RADIL: variants seen among roughly 807,000 people sequenced by gnomAD.
RADIL encodes Rap associating with DIL domain, also known as ras-associating and dilute domain-containing protein.
Under a neutral mutation model 97.6 loss-of-function variants are expected in RADIL, and 99 were observed. The observed-to-expected ratio is 1.01, with a 90% CI of 0.86 to 1.20. The LOEUF (loss-of-function observed/expected upper bound fraction) is 1.20, where lower values mean the gene tolerates loss of function less well. Ranked by LOEUF, RADIL falls within the 50% of genes most tolerant of loss-of-function variation. The pLI is 0.00. For missense variants in RADIL, 1,765 were observed against 1,498.9 expected (o/e 1.18, Z -2.93); for synonymous variants, 803 against 691.8 (o/e 1.16, Z -2.52).
In RADIL at chr7:4,817,232, C is replaced by A. The variant is rs750692903; in HGVS notation, c.1728+7G>T. ...CCTGAGTGCAGAAGCAGAGCCCGTC[C>A]GTGCACCTTGGAGACATAGTAGACG... On this transcript the variant is annotated splice_region_variant and intron_variant, in intron 7 of 14. Transcript: ENST00000399583. This position sits in a 1 kb window ranked among gnomAD's most constrained non-coding sequence, Gnocchi z 8.3. 5.0e-6 allele frequency: 8 copies of A among 1,606,980 alleles called. No homozygotes were observed. The highest frequency in any genetic ancestry group is 6.8e-6 in the Non-Finnish European group (8 of 1,175,942).
intron 9 of RADIL, among the ~76,000 whole-genome samples, chr7:4,806,637 C>T (rs1052540943): frequency 2.0e-5 from 3 of 152,234 alleles, no homozygotes; most frequent in African/African-American, 7.2e-5. Context: ...TTCTTATTTT[C>T]TGCAATTCAT....
In RADIL at chr7:4,877,869, C is replaced by A; in HGVS notation, c.271G>T (p.Glu91Ter). The A allele has an allele frequency of 6.2e-7, 1 of 1,605,778 alleles. No homozygotes were observed. The highest frequency in any genetic ancestry group is 8.5e-7 in the Non-Finnish European group (1 of 1,179,966). Residue 91 changes from glutamate (E) to a stop codon, truncating the protein, a stop_gained, in exon 2 of 15, where the codon GAG becomes TAG. Transcript: ENST00000399583. LOFTEE classifies it high-confidence loss of function. Reference protein sequence around the residue: ...VLATGTSSARELVKEALERYA... With the variant: ...VLATGTSSAR ...CGCTCCAGCGCCTCCTTCACCAGCT[C>A]ACGGGCGCTGGAGGTGCCGGTGGCC...
At position 4,835,354 on chromosome 7, in the gene RADIL, C is replaced by T. The variant is rs567007488; in HGVS notation, c.784-115G>A. On this transcript the variant is annotated intron_variant, in intron 3 of 14. Coordinates refer to ENST00000399583, the MANE Select transcript of RADIL (RefSeq NM_018059.5). This position sits in a 1 kb window ranked among gnomAD's most constrained non-coding sequence, Gnocchi z 5.8. The stretch of plus-strand genomic sequence containing the variant: ...GTGGCTGGGATGCTGTCGCCACGGG[C>T]TCTCCATGTCCCTGGCCACCCCCAC... 167 of 1,346,416 alleles carry T rather than the reference C, an allele frequency of 1.2e-4. 2 individuals are homozygous for T. The Admixed American group carries it at 3.3e-3, about 27-fold the overall frequency. The allele number at this position is 1,346,416 out of a possible 1,614,324, so 83.4% of individuals were successfully genotyped here.
At position 4,854,780 on chromosome 7, in the gene RADIL, C is replaced by G. The variant is rs890057347; in HGVS notation, c.536-18175G>C. Among the ~76,000 whole-genome samples the G allele has an allele frequency of 2.6e-5, 4 of 152,128 alleles. No homozygotes were observed. The highest frequency in any genetic ancestry group is 9.7e-5 in the African/African-American group (4 of 41,412). On this transcript the variant is annotated intron_variant, in intron 2 of 14. Transcript: ENST00000399583. The surrounding 1 kb of genome is among the most constrained non-coding windows in gnomAD (Gnocchi z 5.1). ...TTCACACATATGAAAGCATTTGTAA[C>G]TTAGACTAATAACAAAATAAACACC...
intron 2 of RADIL, among the ~76,000 whole-genome samples, chr7:4,843,316 A>T (rs1325294686): frequency 7.2e-5 from 11 of 151,934 alleles, no homozygotes; most frequent in Admixed American, 7.2e-4. Context: ...CCCGGCCAAG[A>T]GATGATTTTA....
intron 5 of RADIL, among the ~76,000 whole-genome samples, chr7:4,823,267 C>G (rs1782883690): frequency 6.6e-6 from 1 of 151,880 alleles, no homozygotes; most frequent in South Asian, 2.1e-4. Flanking sequence ...ACCAGCCTGG[C>G]CAACATGGCA....
chr7:4,800,316 T>C lies in RADIL; in HGVS notation c.2843-6A>G, dbSNP rs772899955. The C allele has an allele frequency of 1.4e-6, 2 of 1,442,922 alleles. No individual in the cohort carries two copies. Among genetic ancestry groups the C allele is most frequent in the South Asian group, 3.0e-5 (2 of 67,528 alleles). 89.4% of individuals were successfully genotyped at this position (1,442,922 alleles called of 1,614,324 possible). On this transcript the variant is annotated splice_region_variant and splice_polypyrimidine_tract_variant and intron_variant, in intron 12 of 14. Coordinates refer to ENST00000399583, the MANE Select transcript of RADIL (RefSeq NM_018059.5). ...CGCAAGGGCTGCAGAGTCTCCTGGG[T>C]GGGGGCCAGGAAAGGTGGGTGGGAG... is the stretch of plus-strand genomic sequence containing the variant.
chr7:4,822,404 C>T lies in RADIL; in HGVS notation c.1605G>A (p.Leu535=). 6.2e-7 allele frequency: 1 copy of T among 1,611,228 alleles called. No homozygotes were observed. ...PLYMQSMEEQ[L]DITGSKESLF... ...CAGCGCCAGCCGTACCTGTGATGTC[C>T]AGCTGCTCCTCCATGCTCTGCATGT... is the stretch of plus-strand genomic sequence containing the variant. The change falls in exon 6 of 15, where the codon CTG becomes CTA. Residue 535 remains leucine, a synonymous_variant. Coordinates refer to ENST00000399583, the MANE Select transcript of RADIL (RefSeq NM_018059.5). This position sits in a 1 kb window ranked among gnomAD's most constrained non-coding sequence, Gnocchi z 5.3.
At position 4,815,766 on chromosome 7, in the gene RADIL, G is replaced by T. The variant is rs917156321; in HGVS notation, c.1967-316C>A. ...GTGCCGGGGGCCTGCCCCCACCTGG[G>T]TCTCCCCACGCCCCACAGTGGCCCT... On this transcript the variant is annotated intron_variant, in intron 8 of 14. Transcript: ENST00000399583. The surrounding 1 kb of genome is among the most constrained non-coding windows in gnomAD (Gnocchi z 8.0). Among the ~76,000 whole-genome samples the T allele has an allele frequency of 2.0e-5, 3 of 152,140 alleles. No homozygotes were observed. The highest frequency in any genetic ancestry group is 7.2e-5 in the African/African-American group (3 of 41,452).
In RADIL at chr7:4,805,635, C is replaced by A; in HGVS notation, c.2221G>T (p.Ala741Ser). 1 of 1,611,768 alleles carries A rather than the reference C, an allele frequency of 6.2e-7. No individual in the cohort carries two copies. Among genetic ancestry groups the A allele is most frequent in the Admixed American group, 1.7e-5 (1 of 60,016 alleles). The part of the protein sequence containing the change: ...LHRLLTHYQL[A>S]SAMGPMSTWE... The stretch of plus-strand genomic sequence containing the variant: ...GTGCTCATGGGGCCCATGGCCGAGG[C>A]CAGCTGGTAGTGAGTCAGCAGCCGG... Residue 741 changes from alanine (A) to serine (S), a missense_variant, in exon 10 of 15, where the codon GCC becomes TCC. Ala to Ser is a moderately conservative substitution (Grantham distance 99, BLOSUM62 1). Transcript: ENST00000399583.
rs10258762 is a variant in RADIL, at chr7:4,810,490, C to T, written c.2140-4774G>A. Among the ~76,000 whole-genome samples the T allele has an allele frequency of 9.6e-3, 1,458 of 152,294 alleles. 26 individuals carry two copies. The highest frequency in any genetic ancestry group is 0.034 in the African/African-American group (1,396 of 41,552). Reference sequence around the variant, plus strand: ...TCCCAGGAACGAGTTTGCTCAGTCACGTTGCTCTGCCGTATTTCACTGTAC... The same window carrying T: ...TCCCAGGAACGAGTTTGCTCAGTCATGTTGCTCTGCCGTATTTCACTGTAC... On this transcript the variant is annotated intron_variant, in intron 9 of 14. Coordinates refer to ENST00000399583, the MANE Select transcript of RADIL (RefSeq NM_018059.5).
intron 5 of RADIL, among the ~76,000 whole-genome samples, chr7:4,830,723 C>T (rs1259868479): frequency 6.6e-6 from 1 of 151,890 alleles, no homozygotes; most frequent in Non-Finnish European, 1.5e-5. Flanking sequence ...ACTAAAAATA[C>T]AAAATTAGCG....
At chr7:4,807,126 G>T (rs759395032) in intron 9 of RADIL, among the ~76,000 whole-genome samples, 2 of 152,046 alleles carry the variant, frequency 1.3e-5, no homozygotes, top group Non-Finnish European at 2.9e-5. Context: ...GGTCCCCTCT[G>T]TTCTCACCTT....
Position 4,817,512 on chromosome 7 carries a change from G to A in RADIL, c.1616-161C>T, listed in dbSNP as rs1256143246. Among the ~76,000 whole-genome samples the A allele has an allele frequency of 6.6e-6, 1 of 152,152 alleles. No individual in the cohort carries two copies. The highest frequency in any genetic ancestry group is 2.4e-5 in the African/African-American group (1 of 41,434). ...GGCCGAGGGACTCTGGGCCCTGGCT[G>A]GGACGAGCGCAGCAAACCTGCCGCC... On this transcript the variant is annotated intron_variant, in intron 6 of 14. Coordinates refer to ENST00000399583, the MANE Select transcript of RADIL (RefSeq NM_018059.5). The surrounding 1 kb of genome is among the most constrained non-coding windows in gnomAD (Gnocchi z 8.3).
In RADIL at chr7:4,860,084, G is replaced by A; in HGVS notation, c.535+17521C>T. 6 of 1,613,992 alleles carry A rather than the reference G, an allele frequency of 3.7e-6. No individual in the cohort carries two copies. The highest frequency in any genetic ancestry group is 5.1e-6 in the Non-Finnish European group (6 of 1,179,878). On this transcript the variant is annotated intron_variant, in intron 2 of 14. Transcript: ENST00000399583. ...TTCATTGGTATTCACCTGTTGCAAG[G>A]AAAATTCAGTAGCCTGTATGTTAGC...
Position 4,860,956 on chromosome 7 carries a change from T to C in RADIL, c.535+16649A>G, listed in dbSNP as rs750284949. 6.2e-6 allele frequency: 10 copies of C among 1,614,142 alleles called. No homozygotes were observed. In the South Asian group the frequency reaches 9.9e-5, roughly 16 times the overall value. On this transcript the variant is annotated intron_variant, in intron 2 of 14. Coordinates refer to ENST00000399583, the MANE Select transcript of RADIL (RefSeq NM_018059.5). Reference sequence around the variant, plus strand: ...GTTCTTCAGGCTCCTTCAGTAACACTGGGTTTGGCCATTCCCATTCTGAAA... The same window carrying C: ...GTTCTTCAGGCTCCTTCAGTAACACCGGGTTTGGCCATTCCCATTCTGAAA...
At position 4,835,765 on chromosome 7, in the gene RADIL, G is replaced by A. The variant is rs1405444054; in HGVS notation, c.784-526C>T. Among the ~76,000 whole-genome samples the A allele has an allele frequency of 1.3e-5, 2 of 152,192 alleles. No individual in the cohort carries two copies. Among genetic ancestry groups the A allele is most frequent in the African/African-American group, 2.4e-5 (1 of 41,462 alleles). On this transcript the variant is annotated intron_variant, in intron 3 of 14. Coordinates refer to ENST00000399583, the MANE Select transcript of RADIL (RefSeq NM_018059.5). The surrounding 1 kb of genome is among the most constrained non-coding windows in gnomAD (Gnocchi z 5.8). ...AAAGGAGCTGGCTGCACAGGAGGGC[G>A]GGGGTAGGGTGAGCAGGGGGCGGGG...
intron 9 of RADIL, among the ~76,000 whole-genome samples, chr7:4,812,738 A>G (rs1446533154): frequency 6.6e-6 from 1 of 152,102 alleles, no homozygotes; most frequent in African/African-American, 2.4e-5. Flanking sequence ...TCAACTTTTC[A>G]AAGAACCCAC....
intron 2 of RADIL, among the ~76,000 whole-genome samples, chr7:4,855,799 T>C (rs1367744710): frequency 2.0e-5 from 3 of 151,920 alleles, no homozygotes; most frequent in Non-Finnish European, 2.9e-5. Flanking sequence ...GGGGATTTTA[T>C]TGTTTTCGAT....
Sources: allele counts gnomAD v4.1 joint callset (sites outside exome capture counted in the v4.1 genomes callset), GRCh38; gene constraint gnomAD v4.1.1; non-coding constraint Gnocchi (gnomAD v3.1); transcripts MANE v1.5; gene names NCBI Gene and HGNC (gene_info 2026-07-23, HGNC 2026-07-21).